EDDM3A: variants seen among roughly 807,000 people sequenced by gnomAD.
EDDM3A encodes the protein epididymal protein 3A.
For missense variants in EDDM3A, 199 were observed against 177.4 expected, an observed-to-expected ratio of 1.12 and a Z score of -0.69; for synonymous variants, 75 against 60.4, an observed-to-expected ratio of 1.24 and a Z score of -1.12.
At chr14:20,744,528 G>A (rs1207133082), upstream of EDDM3A, among the ~76,000 whole-genome samples, 1 of 152,202 alleles carries the variant, frequency 6.6e-6, no homozygotes, top group African/African-American at 2.4e-5. Flanking sequence ...AATTTGTGGG[G>A]AGTTGGCATG....
chr14:20,746,310 G>A lies in EDDM3A; in HGVS notation c.-27+318G>A, dbSNP rs549861576. ...GTGGGCATTTGACATCTTTAGAAGT[G>A]CTCTCACATGCTTGCATCTCATTAG... On this transcript the variant is annotated intron_variant, in intron 1 of 1. Transcript: ENST00000326842. Among the ~76,000 whole-genome samples, 6 of 152,236 alleles carry A rather than the reference G, an allele frequency of 3.9e-5. No homozygotes were observed. The South Asian group carries it at 1.2e-3, about 32-fold the overall frequency.
At chr14:20,739,789 T>C in the EDDM3A span, among the ~76,000 whole-genome samples, 4 of 152,218 alleles carry the variant, frequency 2.6e-5, no homozygotes, top group Admixed American at 2.0e-4. Flanking sequence ...TGCATGCTGG[T>C]CCACTTGGAG....
chr14:20,737,054 C>CTTTTTTT, the EDDM3A span, among the ~76,000 whole-genome samples: 3 of 109,958 alleles, frequency 2.7e-5, no homozygotes, highest in Non-Finnish European at 4.0e-5. Flanking sequence ...TTTCTTTTTC[C>CTTTTTTT]TTTTTTTTTT....
chr14:20,742,201 ACTG>A (rs1877455355), upstream of EDDM3A, among the ~76,000 whole-genome samples: 1 of 152,202 alleles, frequency 6.6e-6, no homozygotes, highest in Non-Finnish European at 1.5e-5. Flanking sequence ...AGAGGTGGGT[ACTG>A]ATTCCCATCC....
chr14:20,736,767 G>C, the EDDM3A span, among the ~76,000 whole-genome samples: 1 of 151,738 alleles, frequency 6.6e-6, no homozygotes, highest in Non-Finnish European at 1.5e-5. Context: ...CTGGAGTGCA[G>C]TGGCACGATT....
upstream of EDDM3A, among the ~76,000 whole-genome samples, chr14:20,741,850 A>T (rs1017508057): frequency 6.6e-6 from 1 of 151,942 alleles, no homozygotes; most frequent in African/African-American, 2.4e-5. Flanking sequence ...TCTAGTAGAT[A>T]CCAGTGCCAC....
intron 1 of EDDM3A, 114 bp from the exon 2 acceptor site, chr14:20,747,441 A>T: frequency 1.6e-6 from 1 of 635,620 alleles, no homozygotes; most frequent in Non-Finnish European, 2.7e-6. Context: ...TCTAATATGG[A>T]ACCAAATAGC....
At position 20,747,890 on chromosome 14, in the gene EDDM3A, G is replaced by A. The variant is rs779330097; in HGVS notation, c.310G>A (p.Glu104Lys). 54 of 1,614,122 alleles carry A rather than the reference G, an allele frequency of 3.3e-5. No individual in the cohort carries two copies. Among genetic ancestry groups the A allele is most frequent in the East Asian group, 2.2e-4 (10 of 44,872 alleles). Reference protein sequence around the residue: ...VWAPGALKVLECHWEKYNNRY... With the variant: ...VWAPGALKVLKCHWEKYNNRY... ...GGCCCCAGGTGCCCTCAAAGTACTC[G>A]AGTGTCACTGGGAGAAGTACAACAA... is the stretch of plus-strand genomic sequence containing the variant. The change falls in exon 2 of 2, where the codon GAG (glutamate) becomes AAG (lysine). Residue 104 changes from glutamate to lysine, a missense_variant. By Grantham distance (56) the Glu-to-Lys change is moderately conservative (BLOSUM62 1). Coordinates refer to ENST00000326842, the MANE Select transcript of EDDM3A (RefSeq NM_006683.5).
chr14:20,737,981 C>T, the EDDM3A span, among the ~76,000 whole-genome samples: 3 of 152,198 alleles, frequency 2.0e-5, no homozygotes, highest in African/African-American at 7.2e-5. Context: ...AGAGAAAAGA[C>T]CAAAGTATCA....
chr14:20,737,015 G>C, the EDDM3A span, among the ~76,000 whole-genome samples: 1 of 150,754 alleles, frequency 6.6e-6, no homozygotes, highest in Non-Finnish European at 1.5e-5. Flanking sequence ...GCCTGGCCTA[G>C]AGATGCAGAC....
the EDDM3A span, among the ~76,000 whole-genome samples, chr14:20,739,298 A>C: frequency 1.3e-5 from 2 of 152,246 alleles, no homozygotes; most frequent in East Asian, 3.8e-4. Context: ...AAGCTGATAC[A>C]GAAATGAATG....
chr14:20,745,813 T>A (rs918499887), upstream of EDDM3A: 3 of 152,288 alleles, frequency 2.0e-5, no homozygotes, highest in African/African-American at 7.2e-5. Context: ...ATAAGGCTGT[T>A]CCCCATCACC....
At chr14:20,745,387 G>A (rs566613402), upstream of EDDM3A, among the ~76,000 whole-genome samples, 38 of 151,818 alleles carry the variant, frequency 2.5e-4, no homozygotes, top group African/African-American at 7.5e-4. Context: ...TTAGCTGGGC[G>A]TGGTGACAGG....
At chr14:20,737,058 T>TTTC in the EDDM3A span, among the ~76,000 whole-genome samples, 1 of 145,926 alleles carries the variant, frequency 6.9e-6, no homozygotes. Context: ...TTTTTCCTTT[T>TTTC]TTTTTTTTTT....
the EDDM3A span, among the ~76,000 whole-genome samples, chr14:20,737,658 G>A: frequency 0.049 from 7,504 of 152,214 alleles, 255 homozygotes; most frequent in Middle Eastern, 0.13. Flanking sequence ...AATCATGTTC[G>A]CTTGGCAGAA....
upstream of EDDM3A, among the ~76,000 whole-genome samples, chr14:20,743,517 C>A (rs1199407876): frequency 4.2e-5 from 6 of 144,324 alleles, no homozygotes; most frequent in Non-Finnish European, 8.8e-5. Flanking sequence ...GCCTGGACGA[C>A]AAGAGTGAAA....
upstream of EDDM3A, among the ~76,000 whole-genome samples, chr14:20,741,963 A>G (rs1877447699): frequency 6.6e-6 from 1 of 152,230 alleles, no homozygotes; most frequent in African/African-American, 2.4e-5. Context: ...TGCAACCCCT[A>G]GATTTCCAAC....
chr14:20,748,043 C>G lies in EDDM3A; in HGVS notation c.*19C>G, dbSNP rs1877661926. 2.6e-6 allele frequency: 4 copies of G among 1,565,760 alleles called. No individual in the cohort carries two copies. ...CAACTAGAAAGTCTATGCACATCCT[C>G]AGATATTGGTAGAGTATTCAGTGCT... is the stretch of plus-strand genomic sequence containing the variant. On this transcript the variant is annotated 3_prime_UTR_variant, in exon 2 of 2. Transcript: ENST00000326842.
Position 20,747,779 on chromosome 14 carries a change from A to G in EDDM3A, c.199A>G (p.Met67Val). 2.5e-6 allele frequency: 4 copies of G among 1,614,156 alleles called. No homozygotes were observed. The highest frequency in any genetic ancestry group is 3.4e-6 in the Non-Finnish European group (4 of 1,180,004). The change falls in exon 2 of 2, where the codon ATG becomes GTG. Residue 67 changes from methionine to valine, a missense_variant. By Grantham distance (21) the Met-to-Val change is conservative. Transcript: ENST00000326842. ...KEALKGKSFH[M>V]FIYSLWFKIQ... ...GGCTCTGAAAGGCAAGAGCTTTCAT[A>G]TGTTCATCTATAGCTTATGGTTCAA...
Sources: allele counts gnomAD v4.1 joint callset (sites outside exome capture counted in the v4.1 genomes callset), GRCh38; gene constraint gnomAD v4.1.1; transcripts MANE v1.5; gene names NCBI Gene and HGNC (gene_info 2026-07-23, HGNC 2026-07-21).